PMS1: variants seen among roughly 807,000 people sequenced by gnomAD.
The protein encoded by PMS1 is PMS1 protein homolog 1.
A neutral mutation model predicts 93.1 loss-of-function variants in PMS1; 79 were observed. The ratio of observed to expected loss-of-function variants is 0.85; its 90% CI spans 0.71 to 1.02. PMS1 has a LOEUF of 1.02. PMS1 is among the 50% of genes least tolerant of loss of function. The probability of loss-of-function intolerance (pLI) is 0.00; values close to 1 mark genes in which losing one functional copy is unlikely to be tolerated. For synonymous variants in PMS1, 335 were observed against 363.4 expected (o/e 0.92, Z 0.89); for missense variants, 1,064 against 1,085.3 (o/e 0.98, Z 0.28).
intron 1 of PMS1, among the ~76,000 whole-genome samples, chr2:189,791,251 A>G (rs1376583202): frequency 1.3e-5 from 2 of 152,110 alleles, no homozygotes; most frequent in East Asian, 3.8e-4. Flanking sequence ...AAGTTTTCTA[A>G]TTTCTTTATG....
chr2:189,801,113 T>G (rs970242365), intron 3 of PMS1, among the ~76,000 whole-genome samples: 1 of 152,236 alleles, frequency 6.6e-6, no homozygotes, highest in Non-Finnish European at 1.5e-5. Context: ...TCTTCCTGCT[T>G]CAGCCACCCG....
At chr2:189,865,965 G>T (rs1198158593) in intron 10 of PMS1, among the ~76,000 whole-genome samples, 1 of 152,144 alleles carries the variant, frequency 6.6e-6, no homozygotes, top group Non-Finnish European at 1.5e-5. Flanking sequence ...AACAGGGACA[G>T]AACACAGAAA....
At chr2:189,837,932 G>A (rs1575205348) in intron 5 of PMS1, among the ~76,000 whole-genome samples, 1 of 152,222 alleles carries the variant, frequency 6.6e-6, no homozygotes, top group African/African-American at 2.4e-5. Context: ...ACCATATATT[G>A]TATGATTCCA....
intron 9 of PMS1, among the ~76,000 whole-genome samples, chr2:189,860,231 C>T (rs888632727): frequency 2.0e-5 from 3 of 152,334 alleles, no homozygotes; most frequent in African/African-American, 7.2e-5. Flanking sequence ...TGCCACCTCT[C>T]AGCCAGTCTC....
intron 5 of PMS1, among the ~76,000 whole-genome samples, chr2:189,826,089 C>T (rs1158334719): frequency 6.6e-6 from 1 of 152,172 alleles, no homozygotes; most frequent in African/African-American, 2.4e-5. Context: ...TGATATTCTC[C>T]ATGGTCATTT....
intron 2 of PMS1, among the ~76,000 whole-genome samples, chr2:189,792,670 T>G (rs2048971427): frequency 7.2e-6 from 1 of 138,608 alleles, no homozygotes; most frequent in Admixed American, 7.5e-5. Flanking sequence ...GATAAACATG[T>G]ATATATATAT....
chr2:189,868,233 A>G (rs1559330407), intron 11 of PMS1, among the ~76,000 whole-genome samples: 1 of 152,242 alleles, frequency 6.6e-6, no homozygotes, highest in Non-Finnish European at 1.5e-5. Context: ...TTATTAAAAT[A>G]CTCCTTTAAA....
At chr2:189,796,785 G>T (rs1444233823) in intron 3 of PMS1, among the ~76,000 whole-genome samples, 1 of 152,036 alleles carries the variant, frequency 6.6e-6, no homozygotes, top group African/African-American at 2.4e-5. Context: ...GTGGACACCT[G>T]GGTTACTTTC....
At chr2:189,871,566 A>G (rs778344325) in intron 11 of PMS1, among the ~76,000 whole-genome samples, 1 of 152,200 alleles carries the variant, frequency 6.6e-6, no homozygotes, top group Non-Finnish European at 1.5e-5. Context: ...GCGTATTTCT[A>G]TCAGCATTTT....
At chr2:189,828,675 A>T (rs934147809) in intron 5 of PMS1, among the ~76,000 whole-genome samples, 9 of 152,216 alleles carry the variant, frequency 5.9e-5, no homozygotes, top group African/African-American at 1.9e-4. Flanking sequence ...TTTACTGGTA[A>T]ACATTAAGTT....
intron 9 of PMS1, chr2:189,857,539 T>C: frequency 2.2e-6 from 1 of 454,506 alleles, no homozygotes; most frequent in Non-Finnish European, 4.6e-6. Flanking sequence ...ACGCCTCTTC[T>C]ATAGACCTTC....
intron 4 of PMS1, among the ~76,000 whole-genome samples, chr2:189,816,517 TC>T (rs1407184004): frequency 6.6e-6 from 1 of 152,210 alleles, no homozygotes; most frequent in African/African-American, 2.4e-5. Flanking sequence ...TCTTTTTTCT[TC>T]CTAAAATATT....
At chr2:189,857,609 C>G (rs1158353167) in intron 9 of PMS1, 1 of 388,404 alleles carries the variant, frequency 2.6e-6, no homozygotes, top group East Asian at 7.4e-5. Context: ...CTTTCTTCTT[C>G]TCTCGATTCC....
In PMS1 at chr2:189,795,815, G is replaced by A. The variant is rs1298812483; in HGVS notation, c.179G>A (p.Gly60Asp). The A allele has an allele frequency of 1.2e-6, 2 of 1,613,712 alleles. No homozygotes were observed. Among genetic ancestry groups the A allele is most frequent in the East Asian group, 2.2e-5 (1 of 44,862 alleles). The change falls in exon 3 of 13, where the codon GGT (glycine) becomes GAT (aspartate). Residue 60 changes from glycine to aspartate, a missense_variant. Physicochemically the swap from Gly to Asp is moderately conservative, Grantham distance 94 (BLOSUM62 -1). Coordinates refer to ENST00000441310, the MANE Select transcript of PMS1 (RefSeq NM_000534.5). The part of the protein sequence containing the change: ...DKIEVRDNGE[G>D]IKAVDAPVMA... ...ATTGAGGTGCGAGATAACGGGGAGG[G>A]TATCAAGGCTGTTGATGCACCTGTA...
chr2:189,834,149 T>G (rs1197607950), intron 5 of PMS1, among the ~76,000 whole-genome samples: 1 of 152,180 alleles, frequency 6.6e-6, no homozygotes, highest in Non-Finnish European at 1.5e-5. Flanking sequence ...CTATTGTTAT[T>G]GATGTGAATA....
At chr2:189,849,550 A>C (rs188695307) in intron 6 of PMS1, among the ~76,000 whole-genome samples, 69 of 152,282 alleles carry the variant, frequency 4.5e-4, no homozygotes, top group African/African-American at 1.6e-3. Context: ...AGACAAAATT[A>C]TCTAATTCTC....
At chr2:189,832,011 C>G (rs912302237) in intron 5 of PMS1, among the ~76,000 whole-genome samples, 34 of 152,040 alleles carry the variant, frequency 2.2e-4, no homozygotes, top group African/African-American at 7.7e-4. Context: ...ATTTGTTACC[C>G]TTAAAACTTG....
chr2:189,861,731 CAGAG>C (rs1180056270), intron 9 of PMS1, among the ~76,000 whole-genome samples: 1 of 142,828 alleles, frequency 7.0e-6, no homozygotes, highest in Non-Finnish European at 1.5e-5. Context: ...GCCTGGGAGA[CAGAG>C]AGACTCTGTC....
intron 11 of PMS1, among the ~76,000 whole-genome samples, chr2:189,873,205 A>AT (rs2057297064): frequency 6.6e-6 from 1 of 152,218 alleles, no homozygotes; most frequent in Non-Finnish European, 1.5e-5. Flanking sequence ...ATGGGACTCC[A>AT]TTTTCTCTCC....
Sources: allele counts gnomAD v4.1 joint callset (sites outside exome capture counted in the v4.1 genomes callset), GRCh38; gene constraint gnomAD v4.1.1; transcripts MANE v1.5; gene names NCBI Gene and HGNC (gene_info 2026-07-23, HGNC 2026-07-21).